The following GUCY2C variants were observed in gnomAD, a reference collection of about 807,000 sequenced individuals.
GUCY2C encodes guanylate cyclase 2C.
A neutral mutation model predicts 131.1 loss-of-function variants in GUCY2C; 118 were observed. The ratio of observed to expected loss-of-function variants is 0.90; its 90% CI spans 0.78 to 1.05. GUCY2C has a LOEUF of 1.05. GUCY2C is among the 50% of genes least tolerant of loss of function. The probability of loss-of-function intolerance (pLI) is 0.00; values close to 1 mark genes in which losing one functional copy is unlikely to be tolerated. For missense variants in GUCY2C, 1,161 were observed against 1,304.4 expected (o/e 0.89, Z 1.69); for synonymous variants, 452 against 457.8 (o/e 0.99, Z 0.16).
In GUCY2C at chr12:14,645,182, T is replaced by C. The variant is rs760511153; in HGVS notation, c.1797+47A>G. The C allele has an allele frequency of 1.2e-5, 12 of 1,014,492 alleles. No homozygotes were observed. The South Asian group carries it at 1.6e-4, about 14-fold the overall frequency. 62.8% of individuals were successfully genotyped at this position (1,014,492 alleles called of 1,614,324 possible). ...AGGTTGAATAACTTGTTAGATCTGTTTTCTTATATTTAATTTTCATATTTT... is the reference window on the plus strand; with the variant it reads ...AGGTTGAATAACTTGTTAGATCTGTCTTCTTATATTTAATTTTCATATTTT... On this transcript the variant is annotated intron_variant, in intron 16 of 26. Transcript: ENST00000261170.
At chr12:14,632,843 G>A (rs1947177114) in intron 19 of GUCY2C, among the ~76,000 whole-genome samples, 1 of 151,990 alleles carries the variant, frequency 6.6e-6, no homozygotes, top group Non-Finnish European at 1.5e-5. Flanking sequence ...TGGCACCTGA[G>A]TACATCTTCT....
At chr12:14,684,139 A>G (rs1251745182) in intron 3 of GUCY2C, among the ~76,000 whole-genome samples, 1 of 152,154 alleles carries the variant, frequency 6.6e-6, no homozygotes, top group African/African-American at 2.4e-5. Context: ...CCCAAGCTTA[A>G]AACCTTAGTG....
intron 26 of GUCY2C, chr12:14,614,589 C>A: frequency 2.6e-6 from 1 of 380,270 alleles, no homozygotes; most frequent in Non-Finnish European, 4.7e-6. Context: ...ATACTGAGCC[C>A]CCACATCTGA....
intron 19 of GUCY2C, 61 bp from the exon 20 acceptor site, chr12:14,628,798 T>TAAGAATTCTC: frequency 2.3e-6 from 2 of 860,216 alleles, no homozygotes; most frequent in Non-Finnish European, 4.0e-6. Flanking sequence ...CAAGAGAGAA[T>TAAGAATTCTC]TCTTATTCTC....
intron 11 of GUCY2C, among the ~76,000 whole-genome samples, chr12:14,660,428 G>T (rs1182889821): frequency 6.6e-6 from 1 of 152,046 alleles, no homozygotes; most frequent in Non-Finnish European, 1.5e-5. Context: ...TCTAGTTCTG[G>T]CCCCACCCAC....
chr12:14,621,587 A>T (rs1946897814), intron 22 of GUCY2C, among the ~76,000 whole-genome samples: 1 of 152,202 alleles, frequency 6.6e-6, no homozygotes, highest in Admixed American at 6.5e-5. Flanking sequence ...ATGTCAACAT[A>T]CTATTTAACA....
At chr12:14,653,587 A>G (rs1947708463) in intron 12 of GUCY2C, among the ~76,000 whole-genome samples, 1 of 152,224 alleles carries the variant, frequency 6.6e-6, no homozygotes, top group Admixed American at 6.5e-5. Flanking sequence ...TATTGAACAA[A>G]ACACACGCAC....
Position 14,679,641 on chromosome 12 carries a change from C to T in GUCY2C, c.830+16G>A. ...CTTTTTGAAAGGAGGAGGGTTTTTC[C>T]AAATGTTATACCTACTTGAAAAGAT... is the stretch of plus-strand genomic sequence containing the variant. On this transcript the variant is annotated intron_variant, in intron 6 of 26. Coordinates refer to ENST00000261170, the MANE Select transcript of GUCY2C (RefSeq NM_004963.4). 1 of 1,288,238 alleles carries T rather than the reference C, an allele frequency of 7.8e-7. No individual in the cohort carries two copies. The highest frequency in any genetic ancestry group is 1.1e-6 in the Non-Finnish European group (1 of 885,482). The allele number at this position is 1,288,238 out of a possible 1,614,324, so 79.8% of individuals were successfully genotyped here.
rs757960893 is a variant in GUCY2C at position 14,672,891 on chromosome 12, G to A, written c.1152C>T (p.Thr384=). ...DVDSTMVLLY[T]SVDTKKYKVL... The stretch of plus-strand genomic sequence containing the variant: ...GACATACTTTCTTGGTGTCCACAGA[G>A]GTATACAGAAGCACCATGGTACTGT... Residue 384 remains threonine (T), a synonymous_variant, in exon 9 of 27, where the codon ACC becomes ACT. Coordinates refer to ENST00000261170, the MANE Select transcript of GUCY2C (RefSeq NM_004963.4). 68 of 1,599,288 alleles carry A rather than the reference G, an allele frequency of 4.3e-5. 1 individual carries two copies. Among genetic ancestry groups the A allele is most frequent in the Non-Finnish European group, 5.2e-5 (61 of 1,166,772 alleles).
intron 6 of GUCY2C, 139 bp from the exon 7 acceptor site, chr12:14,677,110 T>A (rs1948250809): frequency 3.0e-6 from 1 of 331,786 alleles, no homozygotes; most frequent in Non-Finnish European, 5.7e-6. Flanking sequence ...CTTTCTACTT[T>A]CCCCAGATAG....
intron 21 of GUCY2C, among the ~76,000 whole-genome samples, chr12:14,624,102 TA>T (rs1946954097): frequency 6.6e-6 from 1 of 152,098 alleles, no homozygotes. Flanking sequence ...CTGACATAGA[TA>T]AAATTAGTAT....
intron 18 of GUCY2C, among the ~76,000 whole-genome samples, chr12:14,640,317 TGTG>T (rs1947368396): frequency 6.6e-6 from 1 of 151,546 alleles, no homozygotes; most frequent in African/African-American, 2.4e-5. Flanking sequence ...ATTAGCCAGG[TGTG>T]GTGGTGTGCA....
At chr12:14,639,726 TG>T in intron 19 of GUCY2C, 135 bp downstream of exon 19, 1 of 625,964 alleles carries the variant, frequency 1.6e-6, no homozygotes, top group Non-Finnish European at 2.8e-6. Context: ...GGAGGAAGTG[TG>T]GCCTTGCTGA....
At chr12:14,650,665 G>A (rs1043323984) in intron 15 of GUCY2C, among the ~76,000 whole-genome samples, 3 of 152,038 alleles carry the variant, frequency 2.0e-5, no homozygotes, top group African/African-American at 7.3e-5. Flanking sequence ...AGTCCCTCAC[G>A]GGCTTGCTTT....
rs1178403571 is a variant in GUCY2C, at chr12:14,696,290, G to T, written c.159C>A (p.Asn53Lys). The T allele has an allele frequency of 1.9e-6, 3 of 1,614,018 alleles. No homozygotes were observed. The highest frequency in any genetic ancestry group is 2.5e-6 in the Non-Finnish European group (3 of 1,180,006). Residue 53 changes from asparagine (N) to lysine (K), a missense_variant, in exon 1 of 27, where the codon AAC (asparagine) becomes AAA (lysine). Coordinates refer to ENST00000261170, the MANE Select transcript of GUCY2C (RefSeq NM_004963.4). Reference protein sequence around the residue: ...GNSAFAEPLKNLEDAVNEGLE... With the variant: ...GNSAFAEPLKKLEDAVNEGLE... ...GCCCCTCATTCACCGCATCTTCCAAGTTTTTCAGGGGCTCTGCAAAGGCTG... is the reference window on the plus strand; with the variant it reads ...GCCCCTCATTCACCGCATCTTCCAATTTTTTCAGGGGCTCTGCAAAGGCTG...
At chr12:14,620,763 TG>T (rs1946879600) in intron 23 of GUCY2C, among the ~76,000 whole-genome samples, 1 of 152,090 alleles carries the variant, frequency 6.6e-6, no homozygotes, top group Non-Finnish European at 1.5e-5. Flanking sequence ...ATAGGTATGG[TG>T]ATTTAAATAG....
At chr12:14,644,621 G>A (rs909855451) in intron 16 of GUCY2C, among the ~76,000 whole-genome samples, 2 of 152,072 alleles carry the variant, frequency 1.3e-5, no homozygotes, top group South Asian at 4.1e-4. Context: ...CTGGTTACTG[G>A]TGTCCACTCT....
chr12:14,677,082 T>C lies in GUCY2C; in HGVS notation c.831-111A>G, dbSNP rs1948250007. On this transcript the variant is annotated intron_variant, in intron 6 of 26. Coordinates refer to ENST00000261170, the MANE Select transcript of GUCY2C (RefSeq NM_004963.4). ...ATTGAAAATAGTTTAAAACATTTTT[T>C]TTCATTAATCTGCAAAACTTTCTAC... 5.1e-6 allele frequency: 2 copies of C among 393,976 alleles called. 1 individual carries two copies. The highest frequency in any genetic ancestry group is 1.7e-4 in the South Asian group (2 of 11,862). 24.4% of individuals were successfully genotyped at this position (393,976 alleles called of 1,614,324 possible).
intron 1 of GUCY2C, among the ~76,000 whole-genome samples, chr12:14,689,996 G>C (rs1160362209): frequency 2.0e-5 from 3 of 152,144 alleles, no homozygotes; most frequent in African/African-American, 7.2e-5. Context: ...TTCTTTCTTA[G>C]TAGACAGGGA....
Sources: gnomAD v4.1 joint callset for allele counts (sites outside exome capture counted in the v4.1 genomes callset) on GRCh38, gnomAD v4.1.1 for gene constraint, MANE v1.5 for transcripts, NCBI Gene and HGNC (gene_info 2026-07-23, HGNC 2026-07-21) for gene names.